FGF14: variants seen among roughly 807,000 people sequenced by gnomAD.
The protein encoded by FGF14 is fibroblast growth factor 14, also known as fibroblast growth factor homologous factor 4.
FGF14 carries 5 observed loss-of-function variants against 25.5 expected under a neutral mutation model. The observed-to-expected ratio is 0.20, with a 90% CI of 0.10 to 0.41. FGF14 has a LOEUF of 0.41. Among genes scored for constraint, FGF14 ranks in the 10% least tolerant of loss-of-function variants. The pLI is 1.00. For synonymous variants in FGF14, 138 were observed against 118.3 expected (o/e 1.17, Z -1.08); for missense variants, 222 against 320.1 (o/e 0.69, Z 2.34).
At chr13:102,220,135 T>G (rs1292626989) in intron 1 of FGF14, among the ~76,000 whole-genome samples, 3 of 152,182 alleles carry the variant, frequency 2.0e-5, no homozygotes, top group Non-Finnish European at 4.4e-5. Flanking sequence ...AAATGTCTTC[T>G]GTATTTAGTC....
intron 1 of FGF14, among the ~76,000 whole-genome samples, chr13:102,044,994 T>C (rs1327679119): frequency 6.6e-6 from 1 of 152,120 alleles, no homozygotes; most frequent in Non-Finnish European, 1.5e-5. Flanking sequence ...AGAACAGCAA[T>C]AGTGGCAAAA....
intron 3 of FGF14, among the ~76,000 whole-genome samples, chr13:101,757,496 A>G (rs1189533173): frequency 6.6e-6 from 1 of 152,206 alleles, no homozygotes; most frequent in Admixed American, 6.5e-5. Flanking sequence ...GATTATTTAG[A>G]AATTGAAAGT....
intron 1 of FGF14, among the ~76,000 whole-genome samples, chr13:102,017,909 C>G (rs1721491468): frequency 6.6e-6 from 1 of 152,114 alleles, no homozygotes; most frequent in African/African-American, 2.4e-5. Context: ...CTCAGATCAT[C>G]TACTGAATTT....
chr13:101,985,517 A>G (rs1276652184), intron 1 of FGF14, among the ~76,000 whole-genome samples: 3 of 152,118 alleles, frequency 2.0e-5, no homozygotes, highest in Non-Finnish European at 4.4e-5. Context: ...TCACTGAATC[A>G]TCAGCATTAA....
intron 1 of FGF14, among the ~76,000 whole-genome samples, chr13:102,320,851 A>G (rs2056217166): frequency 6.6e-6 from 1 of 152,206 alleles, no homozygotes; most frequent in South Asian, 2.1e-4. Context: ...TTAAGGAGCA[A>G]TACCTCATTT....
chr13:102,185,525 C>T (rs574829678), intron 1 of FGF14, among the ~76,000 whole-genome samples: 1 of 150,622 alleles, frequency 6.6e-6, no homozygotes, highest in African/African-American at 2.5e-5. Flanking sequence ...TGGCAGTCAG[C>T]AGAAATATAT....
At chr13:101,984,740 A>C (rs930061495) in intron 1 of FGF14, among the ~76,000 whole-genome samples, 1 of 152,170 alleles carries the variant, frequency 6.6e-6, no homozygotes, top group Non-Finnish European at 1.5e-5. Context: ...ACATGAAGTG[A>C]AAAACAAATC....
intron 1 of FGF14, among the ~76,000 whole-genome samples, chr13:101,907,089 T>A (rs2032337355): frequency 6.6e-6 from 1 of 152,172 alleles, no homozygotes; most frequent in African/African-American, 2.4e-5. Flanking sequence ...CAGCCGTTGC[T>A]TAATCACAAA....
chr13:102,301,050 T>C (rs1447727519), intron 1 of FGF14, among the ~76,000 whole-genome samples: 2 of 152,170 alleles, frequency 1.3e-5, no homozygotes, highest in Admixed American at 6.6e-5. Flanking sequence ...ATTATCTTTT[T>C]TTCATCTTCT....
At chr13:102,174,787 G>C (rs1317932693) in intron 1 of FGF14, among the ~76,000 whole-genome samples, 1 of 151,952 alleles carries the variant, frequency 6.6e-6, no homozygotes, top group Non-Finnish European at 1.5e-5. Context: ...TGAGGGGAGG[G>C]GGAGTGGATT....
intron 1 of FGF14, among the ~76,000 whole-genome samples, chr13:102,116,482 C>A (rs1363754068): frequency 1.3e-5 from 2 of 151,862 alleles, no homozygotes; most frequent in Admixed American, 1.3e-4. Flanking sequence ...TGTTATTCTT[C>A]CACAAAGAAA....
Position 102,049,399 on chromosome 13 carries a change from T to G in FGF14, c.209-174103A>C, listed in dbSNP as rs565552161. On this transcript the variant is annotated intron_variant, in intron 1 of 4. Transcript: ENST00000376131. ...GTGTCATTGGGCCTCACTGTCACTG[T>G]GAAACCCTTCTTTTTGTTTTGAATG... 2.0e-5 allele frequency among the ~76,000 whole-genome samples: 3 copies of G among 152,320 alleles called. No individual in the cohort carries two copies. The East Asian group carries it at 5.8e-4, about 29-fold the overall frequency.
intron 1 of FGF14, among the ~76,000 whole-genome samples, chr13:102,371,764 G>C (rs1481025452): frequency 6.6e-6 from 1 of 152,152 alleles, no homozygotes; most frequent in African/African-American, 2.4e-5. Flanking sequence ...CAAGTTTACA[G>C]AAAGGAGAAT....
At chr13:101,969,549 T>C (rs2037467270) in intron 1 of FGF14, among the ~76,000 whole-genome samples, 2 of 152,224 alleles carry the variant, frequency 1.3e-5, no homozygotes, top group Non-Finnish European at 2.9e-5. Context: ...TAATGAGTCA[T>C]TTGTGAAACC....
intron 1 of FGF14, among the ~76,000 whole-genome samples, chr13:101,896,727 A>T (rs1007919547): frequency 6.6e-6 from 1 of 152,156 alleles, no homozygotes; most frequent in Non-Finnish European, 1.5e-5. Context: ...GCAGACATGT[A>T]TATCTGTGTG....
At chr13:102,243,341 T>C (rs1433198172) in intron 1 of FGF14, among the ~76,000 whole-genome samples, 2 of 152,144 alleles carry the variant, frequency 1.3e-5, no homozygotes, top group Non-Finnish European at 2.9e-5. Flanking sequence ...TAATGCCACC[T>C]TTCCCAGAAG....
intron 1 of FGF14, among the ~76,000 whole-genome samples, chr13:102,001,149 C>A (rs1255527897): frequency 1.3e-5 from 2 of 151,932 alleles, no homozygotes; most frequent in East Asian, 3.9e-4. Context: ...AGGAGCAGAA[C>A]AATTAAAGAA....
At chr13:101,874,970 A>G (rs1405462774) in intron 2 of FGF14, among the ~76,000 whole-genome samples, 1 of 152,192 alleles carries the variant, frequency 6.6e-6, no homozygotes, top group African/African-American at 2.4e-5. Context: ...CAAAAATAGT[A>G]ACATAATCAT....
intron 1 of FGF14, among the ~76,000 whole-genome samples, chr13:102,053,161 A>T (rs779827037): frequency 8.5e-5 from 13 of 152,132 alleles, no homozygotes; most frequent in Non-Finnish European, 1.9e-4. Flanking sequence ...CTATAAAACA[A>T]TAAGACAATA....
Sources: allele counts gnomAD v4.1 joint callset (sites outside exome capture counted in the v4.1 genomes callset), GRCh38; gene constraint gnomAD v4.1.1; transcripts MANE v1.5; gene names NCBI Gene and HGNC (gene_info 2026-07-23, HGNC 2026-07-21).